The following SYNE1 variants were observed in gnomAD, a reference collection of about 807,000 sequenced individuals.
The protein encoded by SYNE1 is spectrin repeat containing nuclear envelope protein 1, also known as nesprin-1.
In SYNE1, 616 loss-of-function variants were observed where a neutral mutation model predicts 1,111.0. The ratio of observed to expected loss-of-function variants is 0.55; its 90% CI spans 0.52 to 0.59. The LOEUF is 0.59. Ranked by LOEUF, SYNE1 falls within the 20% of genes least tolerant of loss-of-function variation. The pLI is 0.00. For synonymous variants in SYNE1, 3,855 were observed against 3,825.8 expected, an observed-to-expected ratio of 1.01 and a Z score of -0.28; for missense variants, 10,006 against 10,417.0, an observed-to-expected ratio of 0.96 and a Z score of 1.72.
intron 129 of SYNE1, chr6:152,179,494 A>C (rs1418724557): frequency 2.1e-5 from 3 of 140,404 alleles, no homozygotes; most frequent in Admixed American, 2.1e-4. Context: ...TACACAAAAA[A>C]CAAAAAAAAA....
In SYNE1 at chr6:152,232,106, T is replaced by G; in HGVS notation, c.20862+10A>C. 6.4e-7 allele frequency: 1 copy of G among 1,560,908 alleles called. No individual in the cohort carries two copies. ...AATATGAAAAGTTAAAAACAAAAAATTTTAATTACCTTATATTTCTGAAGG... is the reference window on the plus strand; with the variant it reads ...AATATGAAAAGTTAAAAACAAAAAAGTTTAATTACCTTATATTTCTGAAGG... On this transcript the variant is annotated intron_variant, in intron 113 of 145. Coordinates refer to ENST00000367255, the MANE Select transcript of SYNE1 (RefSeq NM_182961.4).
intron 107 of SYNE1, among the ~76,000 whole-genome samples, chr6:152,241,294 G>A (rs1369476130): frequency 1.3e-5 from 2 of 151,624 alleles, no homozygotes; most frequent in Admixed American, 1.3e-4. Context: ...AAAACGTCTG[G>A]GAAAAAATAG....
At chr6:152,561,306 A>T (rs1206890050) in intron 3 of SYNE1, among the ~76,000 whole-genome samples, 1 of 152,170 alleles carries the variant, frequency 6.6e-6, no homozygotes, top group Admixed American at 6.5e-5. Context: ...TCAAAAAATA[A>T]ATTTTAAAAA....
At chr6:152,263,315 G>A (rs2092298046) in intron 100 of SYNE1, among the ~76,000 whole-genome samples, 1 of 152,132 alleles carries the variant, frequency 6.6e-6, no homozygotes, top group Non-Finnish European at 1.5e-5. Flanking sequence ...AGTGCAGAGA[G>A]ATATGGGAGG....
At chr6:152,339,780 A>T (rs373613500) in intron 74 of SYNE1, among the ~76,000 whole-genome samples, 22 of 152,226 alleles carry the variant, frequency 1.4e-4, no homozygotes, top group African/African-American at 4.8e-4. Context: ...GTTTCATTGG[A>T]GTGAGGTTAA....
chr6:152,468,962 G>C (rs2098788402), intron 16 of SYNE1, among the ~76,000 whole-genome samples: 2 of 151,964 alleles, frequency 1.3e-5, no homozygotes, highest in Admixed American at 6.6e-5. Context: ...ATTTTTTGTA[G>C]AGACAGAGTC....
intron 92 of SYNE1, among the ~76,000 whole-genome samples, chr6:152,301,392 G>A (rs770775507): frequency 6.6e-6 from 1 of 152,040 alleles, no homozygotes; most frequent in East Asian, 1.9e-4. Context: ...AGCTTTAGAC[G>A]GTCTGTTTTC....
intron 130 of SYNE1, chr6:152,167,897 C>A: frequency 1.3e-6 from 1 of 749,134 alleles, no homozygotes; most frequent in East Asian, 2.6e-5. Context: ...AGTCCATTAA[C>A]CTTTTTGTCC....
intron 4 of SYNE1, among the ~76,000 whole-genome samples, chr6:152,528,736 T>A (rs538202689): frequency 3.2e-4 from 49 of 152,328 alleles, no homozygotes; most frequent in African/African-American, 1.1e-3. Flanking sequence ...ATACGATGCT[T>A]CTATTATTAC....
intron 2 of SYNE1, among the ~76,000 whole-genome samples, chr6:152,628,943 CAT>C (rs766792542): frequency 6.6e-6 from 1 of 152,134 alleles, no homozygotes; most frequent in African/African-American, 2.4e-5. Context: ...CTGCTTTGCA[CAT>C]GTTTTGCTCT....
intron 10 of SYNE1, among the ~76,000 whole-genome samples, chr6:152,500,905 C>T (rs923038692): frequency 2.7e-5 from 4 of 149,114 alleles, no homozygotes; most frequent in East Asian, 2.0e-4. Context: ...GAGCCGAGAT[C>T]GCACCACTGC....
At chr6:152,169,730 G>A (rs938638541) in intron 130 of SYNE1, among the ~76,000 whole-genome samples, 2 of 151,042 alleles carry the variant, frequency 1.3e-5, no homozygotes, top group African/African-American at 4.9e-5. Flanking sequence ...AGCCCAGGAG[G>A]CTGAGGCTGC....
chr6:152,236,398 C>T (rs1228065300), intron 109 of SYNE1, 95 bp from the exon 110 acceptor site: 2 of 908,628 alleles, frequency 2.2e-6, no homozygotes, highest in Non-Finnish European at 1.7e-6. Context: ...TTCCCATTAC[C>T]TGTTATTCAA....
Position 152,330,379 on chromosome 6 carries a change from C to T in SYNE1, c.14306G>A (p.Arg4769Lys), listed in dbSNP as rs770589390. 9 of 1,613,958 alleles carry T rather than the reference C, an allele frequency of 5.6e-6. No homozygotes were observed. In the South Asian group the frequency reaches 7.7e-5, roughly 14 times the overall value. ...GGTGGTGTCTTCTAATAAGCTAACCCTCTGTTCTGTTTGTCGCTTCAGCCT... is the reference window on the plus strand; with the variant it reads ...GGTGGTGTCTTCTAATAAGCTAACCTTCTGTTCTGTTTGTCGCTTCAGCCT... ...YHRLKRQTEQ[R>K]VSLLEDTTSA... Residue 4769 changes from arginine (R) to lysine (K), a missense_variant, in exon 78 of 146, where the codon AGG becomes AAG. Coordinates refer to ENST00000367255, the MANE Select transcript of SYNE1 (RefSeq NM_182961.4).
chr6:152,411,988 C>T (rs182135859), intron 42 of SYNE1, among the ~76,000 whole-genome samples: 23 of 152,198 alleles, frequency 1.5e-4, no homozygotes, highest in Admixed American at 7.2e-4. Flanking sequence ...TAAAAACTTA[C>T]GTACATGCAA....
chr6:152,447,310 A>G, intron 29 of SYNE1, 148 bp downstream of exon 29: 2 of 867,064 alleles, frequency 2.3e-6, no homozygotes, highest in Non-Finnish European at 3.5e-6. Flanking sequence ...CTTTCCCAAC[A>G]AGCTTCATAC....
At chr6:152,140,311 AAC>A (rs1239986783) in intron 139 of SYNE1, 150 bp from the exon 140 acceptor site, 2 of 765,046 alleles carry the variant, frequency 2.6e-6, no homozygotes, top group East Asian at 2.7e-5. Context: ...ATCTGGAAAT[AAC>A]AGTTACATGG....
Position 152,416,442 on chromosome 6 carries a change from C to T in SYNE1, c.5995G>A (p.Glu1999Lys). 1 of 1,614,148 alleles carries T rather than the reference C, an allele frequency of 6.2e-7. No individual in the cohort carries two copies. The highest frequency in any genetic ancestry group is 1.3e-5 in the African/African-American group (1 of 75,040). Residue 1999 changes from glutamate to lysine, a missense_variant, in exon 41 of 146, where the codon GAA (glutamate) becomes AAA (lysine). This residue lies in a region of SYNE1 where 4,955 missense variants were observed against 5,017.2 expected (regional missense o/e 0.99). Coordinates refer to ENST00000367255, the MANE Select transcript of SYNE1 (RefSeq NM_182961.4). Reference protein sequence around the residue: ...ELLKSIEDIEERTDKERLKEP... With the variant: ...ELLKSIEDIEKRTDKERLKEP... ...TTCAATCGCTCTTTGTCAGTCCTTT[C>T]TTCAATGTCCTCAATGCTTTTCAGA...
intron 16 of SYNE1, among the ~76,000 whole-genome samples, chr6:152,470,879 G>A (rs2098801757): frequency 6.6e-6 from 1 of 152,164 alleles, no homozygotes; most frequent in African/African-American, 2.4e-5. Flanking sequence ...GGATGGCCAT[G>A]TTTAATTAAC....
Sources: allele counts gnomAD v4.1 joint callset (sites outside exome capture counted in the v4.1 genomes callset), GRCh38; gene constraint gnomAD v4.1.1; regional missense constraint gnomAD v4.1.1; transcripts MANE v1.5; gene names NCBI Gene and HGNC (gene_info 2026-07-23, HGNC 2026-07-21).